Variants in EPHA6 observed in about 807,000 individuals in gnomAD.
The protein encoded by EPHA6 is ephrin type-A receptor 6.
Under a neutral mutation model 112.0 loss-of-function variants are expected in EPHA6, and 50 were observed. The observed-to-expected ratio is 0.45, with a 90% CI of 0.36 to 0.56. EPHA6 has a LOEUF of 0.56. Among genes scored for constraint, EPHA6 ranks in the 20% least tolerant of loss-of-function variants. The pLI, the probability that EPHA6 is intolerant of heterozygous loss-of-function variation, is 0.00. For missense variants in EPHA6, 1,280 were observed against 1,417.4 expected, an observed-to-expected ratio of 0.90 and a Z score of 1.56; for synonymous variants, 529 against 490.7, an observed-to-expected ratio of 1.08 and a Z score of -1.03.
At chr3:97,530,807 C>T (rs554062319) in intron 10 of EPHA6, among the ~76,000 whole-genome samples, 8 of 152,028 alleles carry the variant, frequency 5.3e-5, no homozygotes, top group South Asian at 2.1e-4. Flanking sequence ...AGCAAAGTTA[C>T]GCCTTGTTTC....
At chr3:97,443,159 G>A (rs2090196870) in intron 6 of EPHA6, among the ~76,000 whole-genome samples, 1 of 152,010 alleles carries the variant, frequency 6.6e-6, no homozygotes, top group African/African-American at 2.4e-5. Flanking sequence ...ATGTGAGTGT[G>A]TACATTTGTG....
intron 5 of EPHA6, among the ~76,000 whole-genome samples, chr3:97,334,468 T>C (rs1242381707): frequency 2.0e-5 from 3 of 148,694 alleles, no homozygotes; most frequent in Non-Finnish European, 4.4e-5. Context: ...TTTCTTTCTT[T>C]TTTTTTCTTC....
chr3:97,524,580 T>C (rs900554468), intron 10 of EPHA6, among the ~76,000 whole-genome samples: 1 of 152,134 alleles, frequency 6.6e-6, no homozygotes, highest in African/African-American at 2.4e-5. Context: ...AGCTTTATAC[T>C]TCCATATGTT....
intron 3 of EPHA6, among the ~76,000 whole-genome samples, chr3:97,202,691 G>A (rs576191644): frequency 4.2e-4 from 64 of 152,232 alleles, no homozygotes; most frequent in Non-Finnish European, 7.5e-4. Flanking sequence ...TGGGCTGGAA[G>A]ATAGTTGAAC....
chr3:96,866,296 T>C (rs185477660), intron 1 of EPHA6, among the ~76,000 whole-genome samples: 6 of 152,198 alleles, frequency 3.9e-5, no homozygotes, highest in Admixed American at 3.3e-4. Context: ...TCGCATCTTA[T>C]AGCCATAAGT....
At chr3:97,380,818 A>G (rs1198904736) in intron 5 of EPHA6, among the ~76,000 whole-genome samples, 1 of 152,198 alleles carries the variant, frequency 6.6e-6, no homozygotes, top group East Asian at 1.9e-4. Flanking sequence ...TTTTAGATAT[A>G]TTATTCTGTC....
intron 13 of EPHA6, among the ~76,000 whole-genome samples, chr3:97,624,938 A>G (rs1022153633): frequency 2.5e-4 from 38 of 150,898 alleles, no homozygotes; most frequent in African/African-American, 9.2e-4. Flanking sequence ...TCTTCTCTTC[A>G]TTTTCTTGGT....
At chr3:97,041,708 G>A (rs1371865469) in intron 3 of EPHA6, among the ~76,000 whole-genome samples, 1 of 152,054 alleles carries the variant, frequency 6.6e-6, no homozygotes, top group East Asian at 1.9e-4. Flanking sequence ...TAGCTGGGAG[G>A]CCTTAGGAAA....
At chr3:97,370,930 G>A (rs2085014030) in intron 5 of EPHA6, among the ~76,000 whole-genome samples, 1 of 152,090 alleles carries the variant, frequency 6.6e-6, no homozygotes, top group Non-Finnish European at 1.5e-5. Context: ...AGGCAAGAAT[G>A]TCTGGCTCCA....
At chr3:97,566,691 C>T (rs1426698271) in intron 11 of EPHA6, among the ~76,000 whole-genome samples, 1 of 152,164 alleles carries the variant, frequency 6.6e-6, no homozygotes, top group Non-Finnish European at 1.5e-5. Flanking sequence ...CATTTAGCTG[C>T]AGGTATGGCT....
At chr3:97,701,621 T>A (rs2033395805) in intron 14 of EPHA6, among the ~76,000 whole-genome samples, 1 of 127,382 alleles carries the variant, frequency 7.9e-6, no homozygotes, top group East Asian at 1.9e-4. Flanking sequence ...TATATATGTA[T>A]ATATATATAT....
chr3:96,821,282 C>G (rs1021809347), intron 1 of EPHA6, among the ~76,000 whole-genome samples: 10 of 151,908 alleles, frequency 6.6e-5, no homozygotes, highest in Non-Finnish European at 2.9e-5. Context: ...CTCTTACACA[C>G]TGTTTTTTAG....
chr3:96,993,291 C>T (rs2043282481), intron 3 of EPHA6, among the ~76,000 whole-genome samples: 1 of 151,034 alleles, frequency 6.6e-6, no homozygotes, highest in East Asian at 1.9e-4. Context: ...TCCACCTATC[C>T]CCCATTCTTT....
chr3:96,847,082 C>T (rs1257605293), intron 1 of EPHA6, among the ~76,000 whole-genome samples: 2 of 152,026 alleles, frequency 1.3e-5, no homozygotes, highest in Non-Finnish European at 2.9e-5. Flanking sequence ...TAACTGGTAT[C>T]TTTTAGAAAC....
chr3:97,511,480 C>A (rs1049538465), intron 10 of EPHA6, among the ~76,000 whole-genome samples: 47 of 152,256 alleles, frequency 3.1e-4, no homozygotes, highest in African/African-American at 1.1e-3. Context: ...AACACCCCAC[C>A]CTGCTTCGGC....
intron 2 of EPHA6, among the ~76,000 whole-genome samples, chr3:96,890,885 A>C (rs2037918889): frequency 6.6e-6 from 1 of 152,216 alleles, no homozygotes; most frequent in South Asian, 2.1e-4. Flanking sequence ...CAGGAGTGCA[A>C]GGCCAGCCTG....
intron 5 of EPHA6, 74 bp downstream of exon 5, chr3:97,244,361 T>C (rs755548047): frequency 1.5e-6 from 2 of 1,293,172 alleles, no homozygotes; most frequent in African/African-American, 2.9e-5. Flanking sequence ...CATGGGCATG[T>C]ATTTATTGCA....
chr3:97,228,241 T>A (rs2078417091), intron 4 of EPHA6, among the ~76,000 whole-genome samples: 1 of 152,198 alleles, frequency 6.6e-6, no homozygotes, highest in East Asian at 1.9e-4. Context: ...TTGTGGTGAT[T>A]TCTGAGATTT....
chr3:97,735,095 T>C (rs2035198083), intron 15 of EPHA6, among the ~76,000 whole-genome samples: 1 of 152,076 alleles, frequency 6.6e-6, no homozygotes, highest in Admixed American at 6.6e-5. Context: ...CATGTGGCTA[T>C]ATACATTTAA....
Sources: gnomAD v4.1 joint callset for allele counts (sites outside exome capture counted in the v4.1 genomes callset) on GRCh38, gnomAD v4.1.1 for gene constraint, MANE v1.5 for transcripts, NCBI Gene and HGNC (gene_info 2026-07-23, HGNC 2026-07-21) for gene names.